Variants in ZNF384 observed in about 807,000 individuals in gnomAD.
ZNF384 encodes the protein zinc finger protein 384.
Under a neutral mutation model 65.0 loss-of-function variants are expected in ZNF384, and 20 were observed. That is an observed-to-expected ratio of 0.31 (90% CI 0.22 to 0.45). The LOEUF (loss-of-function observed/expected upper bound fraction) is 0.45. Among genes scored for constraint, ZNF384 ranks in the 20% least tolerant of loss-of-function variants. The pLI, the probability that ZNF384 is intolerant of heterozygous loss-of-function variation, is 1.00. For missense variants in ZNF384, 549 were observed against 769.4 expected (o/e 0.71, Z 3.39); for synonymous variants, 310 against 303.9 (o/e 1.02, Z -0.21).
rs142697690 is a variant in ZNF384 at position 6,667,680 on chromosome 12, T to A, written c.*34A>T. 1.6e-4 allele frequency: 260 copies of A among 1,613,808 alleles called. No homozygotes were observed. Among genetic ancestry groups the A allele is most frequent in the Admixed American group, 5.0e-4 (30 of 60,024 alleles). Reference sequence around the variant, plus strand: ...GGAGAAAGAAGACACCAGGACTACTTCTTCCTCTTCCCAGTGGGTGGCAGC... The same window carrying A: ...GGAGAAAGAAGACACCAGGACTACTACTTCCTCTTCCCAGTGGGTGGCAGC... On this transcript the variant is annotated 3_prime_UTR_variant, in exon 12 of 12. Transcript: ENST00000683879.
rs987731454 is a variant in ZNF384 at position 6,673,808 on chromosome 12, A to G, written c.780-368T>C. On this transcript the variant is annotated intron_variant, in intron 7 of 11. Transcript: ENST00000683879. This position sits in a 1 kb window ranked among gnomAD's most constrained non-coding sequence, Gnocchi z 4.7. ...AACATTTAAGGAATTCCTTGCTCTG[A>G]TGTTCCTATGTATGAAGCACATGCC... 6.6e-6 allele frequency among the ~76,000 whole-genome samples: 1 copy of G among 152,072 alleles called. No homozygotes were observed. Among genetic ancestry groups the G allele is most frequent in the Non-Finnish European group, 1.5e-5 (1 of 67,998 alleles).
chr12:6,679,605 G>A (rs1955124291), intron 2 of ZNF384, 80 bp from the exon 3 acceptor site: 1 of 1,133,616 alleles, frequency 8.8e-7, no homozygotes, highest in African/African-American at 1.6e-5. Context: ...GAACTGAAGA[G>A]TTCCTGGTCT....
At chr12:6,682,978 G>A (rs998189060) in intron 2 of ZNF384, among the ~76,000 whole-genome samples, 2 of 152,170 alleles carry the variant, frequency 1.3e-5, no homozygotes, top group African/African-American at 2.4e-5. Flanking sequence ...GTGATAAATG[G>A]TGGGAATTAA....
In ZNF384 at chr12:6,669,020, G is replaced by C; in HGVS notation, c.1425+11C>G. 1 of 1,593,782 alleles carries C rather than the reference G, an allele frequency of 6.3e-7. No homozygotes were observed. Among genetic ancestry groups the C allele is most frequent in the South Asian group, 1.1e-5 (1 of 89,534 alleles). On this transcript the variant is annotated intron_variant, in intron 11 of 11. Coordinates refer to ENST00000683879, the MANE Select transcript of ZNF384 (RefSeq NM_001385745.1). ...GACTATGAGGAAGGAGAGAAGAAAC[G>C]GAGCACTCACTGATGTGTATGCCCG...
chr12:6,668,169 AC>A, intron 11 of ZNF384, 54 bp from the exon 12 acceptor site: 1 of 1,484,026 alleles, frequency 6.7e-7, no homozygotes, highest in Non-Finnish European at 9.1e-7. Context: ...AAAAGAGATT[AC>A]TTGTAACTAG....
chr12:6,666,759 TAA>T lies in ZNF384; in HGVS notation c.*953_*954del, dbSNP rs1450877115. ...AAAATTCTCAGAGATAATGCATTTA[TAA>T]ACACAGAAATGGTTACAACAAAGAT... is the stretch of plus-strand genomic sequence containing the variant. On this transcript the variant is annotated 3_prime_UTR_variant, in exon 12 of 12. Transcript: ENST00000683879. 1 of 171,428 alleles carries T rather than the reference TAA, an allele frequency of 5.8e-6. No homozygotes were observed. The highest frequency in any genetic ancestry group is 1.3e-5 in the Non-Finnish European group (1 of 79,562). The allele number at this position is 171,428 out of a possible 1,614,324, so 10.6% of individuals were successfully genotyped here.
At chr12:6,681,682 G>A (rs1027475417) in intron 2 of ZNF384, among the ~76,000 whole-genome samples, 3 of 152,150 alleles carry the variant, frequency 2.0e-5, no homozygotes, top group Non-Finnish European at 4.4e-5. Flanking sequence ...CAAAGGCGCC[G>A]AAGCTGAAAA....
In ZNF384 at chr12:6,673,065, A is replaced by G; in HGVS notation, c.1004+151T>C. ...AAGGCCCCCCAAATAGCTAGGATAT[A>G]TAATTTCCACAGACAGTAATAGGAG... On this transcript the variant is annotated intron_variant, in intron 8 of 11. Transcript: ENST00000683879. The surrounding 1 kb of genome is among the most constrained non-coding windows in gnomAD (Gnocchi z 4.7). 5 of 728,320 alleles carry G rather than the reference A, an allele frequency of 6.9e-6. No individual in the cohort carries two copies. Among genetic ancestry groups the G allele is most frequent in the South Asian group, 1.9e-5 (1 of 51,784 alleles). 45.1% of individuals were successfully genotyped at this position (728,320 alleles called of 1,614,324 possible). A position where few individuals can be genotyped will look rare whatever the true frequency, so the allele number is the denominator to read the frequency against.
rs1951945940 is a variant in ZNF384, at chr12:6,672,604, G to A, written c.1005-72C>T. 6.8e-7 allele frequency: 1 copy of A among 1,468,314 alleles called. No individual in the cohort carries two copies. The highest frequency in any genetic ancestry group is 9.4e-7 in the Non-Finnish European group (1 of 1,069,462). 91.0% of individuals were successfully genotyped at this position (1,468,314 alleles called of 1,614,324 possible). A position where few individuals can be genotyped will look rare whatever the true frequency, so the allele number is the denominator to read the frequency against. ...CACCAGGGGCTCAGCTCTCTGCTGG[G>A]TGAAATGACGTTGCTTGACGGATGA... On this transcript the variant is annotated intron_variant, in intron 8 of 11. Transcript: ENST00000683879. The surrounding 1 kb of genome is among the most constrained non-coding windows in gnomAD (Gnocchi z 4.4).
At position 6,678,564 on chromosome 12, in the gene ZNF384, G is replaced by T; in HGVS notation, c.352+99C>A. 2 of 1,444,048 alleles carry T rather than the reference G, an allele frequency of 1.4e-6. No homozygotes were observed. The highest frequency in any genetic ancestry group is 1.9e-6 in the Non-Finnish European group (2 of 1,074,644). 89.5% of individuals were successfully genotyped at this position (1,444,048 alleles called of 1,614,324 possible). On this transcript the variant is annotated intron_variant, in intron 5 of 11. Transcript: ENST00000683879. This position sits in a 1 kb window ranked among gnomAD's most constrained non-coding sequence, Gnocchi z 4.9. ...TGTCTAATTAACCCCTCACCCCCCC[G>T]CCGACCCAACCCAGAGTACACAGGA...
intron 7 of ZNF384, 25 bp downstream of exon 7, chr12:6,677,142 G>C: frequency 1.6e-6 from 1 of 632,556 alleles, no homozygotes; most frequent in Non-Finnish European, 2.6e-6. Context: ...GGAAACTGAG[G>C]CCCAGAGAGG....
intron 2 of ZNF384, 120 bp from the exon 3 acceptor site, chr12:6,679,645 C>T: frequency 1.4e-6 from 1 of 728,936 alleles, no homozygotes; most frequent in Non-Finnish European, 2.3e-6. Context: ...TGGCTGGGGA[C>T]TGGCAGTCAA....
At position 6,679,532 on chromosome 12, in the gene ZNF384, A is replaced by G. The variant is rs79221420; in HGVS notation, c.-5-7T>C. 3,008 of 1,609,634 alleles carry G rather than the reference A, an allele frequency of 1.9e-3. 57 individuals are homozygous for G. The African/African-American group carries it at 0.036, about 19-fold the overall frequency. On this transcript the variant is annotated splice_region_variant and splice_polypyrimidine_tract_variant and intron_variant, in intron 2 of 11. Transcript: ENST00000683879. ...TGAGATTCTTCCATTCTACCTGAAGAAAAAATGAGAGAACATGTCACACTC... is the reference window on the plus strand; with the variant it reads ...TGAGATTCTTCCATTCTACCTGAAGGAAAAATGAGAGAACATGTCACACTC...
At chr12:6,685,943 C>T (rs1359155649) in intron 2 of ZNF384, among the ~76,000 whole-genome samples, 2 of 152,058 alleles carry the variant, frequency 1.3e-5, no homozygotes, top group African/African-American at 4.8e-5. Context: ...TAATAATAGT[C>T]GTGAAACACG....
In ZNF384 at chr12:6,667,567, T is replaced by C; in HGVS notation, c.*147A>G. On this transcript the variant is annotated 3_prime_UTR_variant, in exon 12 of 12. Coordinates refer to ENST00000683879, the MANE Select transcript of ZNF384 (RefSeq NM_001385745.1). ...GAAGAAGAGTTCAGAAAAAGGATGG[T>C]ATCCTGTGAAGGAAAGCCGTGACAG... 1 of 1,024,908 alleles carries C rather than the reference T, an allele frequency of 9.8e-7. No homozygotes were observed. The highest frequency in any genetic ancestry group is 1.3e-5 in the South Asian group (1 of 78,780). 63.5% of individuals were successfully genotyped at this position (1,024,908 alleles called of 1,614,324 possible).
In ZNF384 at chr12:6,667,778, T is replaced by A; in HGVS notation, c.1763A>T (p.His588Leu). ...DLTPYKTAEHHKDICLTVTTS... is the reference protein window; with the variant it reads ...DLTPYKTAEHLKDICLTVTTS... ...GGTGACAGTGAGGCAGATGTCCTTA[T>A]GATGCTCCGCCGTCTTATACGGGGT... Residue 588 changes from histidine (H) to leucine (L), a missense_variant, in exon 12 of 12, where the codon CAT (histidine) becomes CTT (leucine). Around this residue, in one of 5 missense-constraint regions of ZNF384, gnomAD observed 136 missense variants for 183.0 expected, o/e 0.74. Transcript: ENST00000683879. The A allele has an allele frequency of 6.2e-7, 1 of 1,614,218 alleles. No homozygotes were observed.
intron 9 of ZNF384, 96 bp from the exon 10 acceptor site, chr12:6,670,934 G>T: frequency 9.0e-7 from 1 of 1,116,148 alleles, no homozygotes. Flanking sequence ...GCTCTCCTAA[G>T]GAGGCACATC....
chr12:6,680,651 A>G (rs1955581926), intron 2 of ZNF384, among the ~76,000 whole-genome samples: 1 of 151,950 alleles, frequency 6.6e-6, no homozygotes, highest in Non-Finnish European at 1.5e-5. Context: ...CCGTCTCAAA[A>G]AAAAAAAAAA....
intron 2 of ZNF384, among the ~76,000 whole-genome samples, chr12:6,683,405 T>C (rs981767502): frequency 2.6e-5 from 4 of 151,812 alleles, no homozygotes; most frequent in African/African-American, 9.7e-5. Flanking sequence ...TGGCTGGGTG[T>C]GGTGGCTCAT....
Sources: allele counts gnomAD v4.1 joint callset (sites outside exome capture counted in the v4.1 genomes callset), GRCh38; gene constraint gnomAD v4.1.1; regional missense constraint gnomAD v4.1.1; non-coding constraint Gnocchi (gnomAD v3.1); transcripts MANE v1.5; gene names NCBI Gene and HGNC (gene_info 2026-07-23, HGNC 2026-07-21).